CTIF: variants seen among roughly 807,000 people sequenced by gnomAD.
The protein encoded by CTIF is cap binding complex dependent translation initiation factor, also known as CBP80/20-dependent translation initiation factor.
A neutral mutation model predicts 66.0 loss-of-function variants in CTIF; 21 were observed. The ratio of observed to expected loss-of-function variants is 0.32; its 90% confidence interval spans 0.23 to 0.46. The LOEUF (loss-of-function observed/expected upper bound fraction) is 0.46, where lower values mean the gene tolerates loss of function less well. Ranked by LOEUF, CTIF falls within the 20% of genes least tolerant of loss-of-function variation. The pLI, the probability that CTIF is intolerant of heterozygous loss-of-function variation, is 1.00. For missense variants in CTIF, 739 were observed against 812.7 expected, an observed-to-expected ratio of 0.91 and a Z score of 1.10; for synonymous variants, 345 against 326.4, an observed-to-expected ratio of 1.06 and a Z score of -0.62.
intron 9 of CTIF, among the ~76,000 whole-genome samples, chr18:48,802,415 G>A (rs1353452402): frequency 2.6e-5 from 4 of 152,236 alleles, no homozygotes; most frequent in African/African-American, 9.6e-5. Context: ...CTGAGGACCT[G>A]GAGGGAAGTG....
intron 3 of CTIF, among the ~76,000 whole-genome samples, chr18:48,651,291 T>A (rs1322838462): frequency 6.6e-6 from 1 of 152,010 alleles, no homozygotes; most frequent in Non-Finnish European, 1.5e-5. Flanking sequence ...AATAAAGGGA[T>A]GGAGGAAGAT....
At chr18:48,581,219 T>G (rs1311851978) in intron 1 of CTIF, among the ~76,000 whole-genome samples, 5 of 151,168 alleles carry the variant, frequency 3.3e-5, no homozygotes, top group African/African-American at 1.2e-4. Context: ...TTGTTTTTGT[T>G]TTTTTTTGGG....
intron 7 of CTIF, among the ~76,000 whole-genome samples, chr18:48,729,198 A>G (rs1003486973): frequency 6.6e-6 from 1 of 152,006 alleles, no homozygotes; most frequent in East Asian, 1.9e-4. Flanking sequence ...ACTTTGGAAC[A>G]CCCCTCTTAC....
intron 10 of CTIF, among the ~76,000 whole-genome samples, chr18:48,846,646 A>AATGG (rs2069083552): frequency 7.2e-6 from 1 of 139,662 alleles, no homozygotes; most frequent in Non-Finnish European, 1.5e-5. Flanking sequence ...TGGATGAAAG[A>AATGG]ATGGATGGGT....
chr18:48,814,717 A>G (rs1168967964), intron 9 of CTIF, among the ~76,000 whole-genome samples: 1 of 152,174 alleles, frequency 6.6e-6, no homozygotes, highest in Non-Finnish European at 1.5e-5. Context: ...TTCATTCACA[A>G]AGACCCTGAA....
intron 10 of CTIF, among the ~76,000 whole-genome samples, chr18:48,822,262 T>G (rs2068499000): frequency 1.3e-5 from 2 of 152,216 alleles, no homozygotes; most frequent in Non-Finnish European, 2.9e-5. Context: ...TGATATTTTG[T>G]TACATGCATA....
At chr18:48,766,739 A>G (rs753463819) in intron 9 of CTIF, among the ~76,000 whole-genome samples, 1 of 151,812 alleles carries the variant, frequency 6.6e-6, no homozygotes, top group East Asian at 1.9e-4. Context: ...ATGGGGGAAA[A>G]CTCCGAGTCT....
At chr18:48,603,246 A>G (rs1179394757) in intron 1 of CTIF, among the ~76,000 whole-genome samples, 1 of 145,790 alleles carries the variant, frequency 6.9e-6, no homozygotes, top group African/African-American at 2.6e-5. Context: ...TGATGGATGG[A>G]TGAATGGATG....
intron 6 of CTIF, among the ~76,000 whole-genome samples, chr18:48,677,907 G>A (rs2091661057): frequency 6.6e-6 from 1 of 152,160 alleles, no homozygotes; most frequent in Non-Finnish European, 1.5e-5. Context: ...CTGAGCTGCG[G>A]GCTGCATATA....
intron 7 of CTIF, among the ~76,000 whole-genome samples, chr18:48,716,797 T>C (rs1465319959): frequency 1.3e-5 from 2 of 152,236 alleles, no homozygotes; most frequent in East Asian, 3.9e-4. Context: ...ACCGTGCCTG[T>C]GCGGCCAGGG....
chr18:48,782,157 C>A (rs1428305112), intron 9 of CTIF, among the ~76,000 whole-genome samples: 1 of 151,752 alleles, frequency 6.6e-6, no homozygotes, highest in East Asian at 2.0e-4. Context: ...AACCAGGACC[C>A]AGGGCAGGCG....
At chr18:48,836,132 C>G (rs2068803942) in intron 10 of CTIF, among the ~76,000 whole-genome samples, 1 of 152,146 alleles carries the variant, frequency 6.6e-6, no homozygotes, top group African/African-American at 2.4e-5. Context: ...GCCCCACCTC[C>G]CTCCTCCCCC....
chr18:48,759,045 TC>T (rs1908697504), intron 8 of CTIF, among the ~76,000 whole-genome samples: 1 of 152,136 alleles, frequency 6.6e-6, no homozygotes, highest in Non-Finnish European at 1.5e-5. Context: ...TTACTTTTGC[TC>T]CCAGGAGGCT....
At chr18:48,597,846 G>T (rs529242607) in intron 1 of CTIF, among the ~76,000 whole-genome samples, 2 of 152,240 alleles carry the variant, frequency 1.3e-5, no homozygotes, top group African/African-American at 4.8e-5. Context: ...CTGGCATGCA[G>T]CTCCAGCCCT....
chr18:48,751,114 T>G (rs1345792896), intron 7 of CTIF, among the ~76,000 whole-genome samples: 2 of 152,240 alleles, frequency 1.3e-5, no homozygotes, highest in African/African-American at 4.8e-5. Flanking sequence ...ATGCTAGCTA[T>G]GAACCATTCT....
At chr18:48,723,129 C>T (rs1229498488) in intron 7 of CTIF, among the ~76,000 whole-genome samples, 2 of 152,204 alleles carry the variant, frequency 1.3e-5, no homozygotes, top group South Asian at 2.1e-4. Context: ...CTGCTAACAA[C>T]CCACTGCTCT....
intron 9 of CTIF, among the ~76,000 whole-genome samples, chr18:48,769,278 C>T (rs1909879298): frequency 6.6e-6 from 1 of 152,356 alleles, no homozygotes; most frequent in African/African-American, 2.4e-5. Flanking sequence ...GAGCAAAAGC[C>T]CTGGCCATAC....
At chr18:48,818,958 A>C (rs79372479) in intron 10 of CTIF, among the ~76,000 whole-genome samples, 1 of 152,248 alleles carries the variant, frequency 6.6e-6, no homozygotes, top group East Asian at 1.9e-4. Context: ...GGGCATCTTT[A>C]TGGTTTTGAA....
intron 1 of CTIF, among the ~76,000 whole-genome samples, chr18:48,557,482 ACT>A (rs2089050310): frequency 6.6e-6 from 1 of 152,222 alleles, no homozygotes; most frequent in African/African-American, 2.4e-5. Flanking sequence ...GGCCACATCC[ACT>A]GCCGTGGAGA....
Sources: allele counts gnomAD v4.1 joint callset (sites outside exome capture counted in the v4.1 genomes callset), GRCh38; gene constraint gnomAD v4.1.1; transcripts MANE v1.5; gene names NCBI Gene and HGNC (gene_info 2026-07-23, HGNC 2026-07-21).